WDR12: variants seen among roughly 807,000 people sequenced by gnomAD.
The protein encoded by WDR12 is ribosome biogenesis protein WDR12.
WDR12 carries 42 observed loss-of-function variants against 64.3 expected under a neutral mutation model. The observed-to-expected ratio is 0.65, with a 90% CI of 0.51 to 0.84. WDR12 has a LOEUF of 0.84. Ranked by LOEUF, WDR12 falls within the 40% of genes least tolerant of loss-of-function variation. WDR12 has a pLI of 0.00. For synonymous variants in WDR12, 158 were observed against 173.3 expected, an observed-to-expected ratio of 0.91 and a Z score of 0.70; for missense variants, 469 against 494.6, an observed-to-expected ratio of 0.95 and a Z score of 0.49.
chr2:202,881,784 T>G (rs1175927921), intron 12 of WDR12, among the ~76,000 whole-genome samples: 1 of 151,714 alleles, frequency 6.6e-6, no homozygotes, highest in African/African-American at 2.4e-5. Flanking sequence ...ACCCAGGAGT[T>G]CAAGGCTGCA....
At chr2:202,883,547 T>G in intron 11 of WDR12, 62 bp downstream of exon 11, 1 of 1,527,784 alleles carries the variant, frequency 6.5e-7, no homozygotes, top group Non-Finnish European at 8.9e-7. Context: ...ATTTCAGTAT[T>G]CATTTCCTTT....
At chr2:202,900,730 T>C (rs1237605533) in intron 3 of WDR12, among the ~76,000 whole-genome samples, 2 of 152,130 alleles carry the variant, frequency 1.3e-5, no homozygotes, top group Non-Finnish European at 2.9e-5. Flanking sequence ...TGCCAGTTCT[T>C]CCACAAATAT....
At chr2:202,886,497 G>GGT (rs1559159052) in intron 8 of WDR12, among the ~76,000 whole-genome samples, 2 of 151,118 alleles carry the variant, frequency 1.3e-5, no homozygotes, top group African/African-American at 4.9e-5. Flanking sequence ...AGCTGGGTGC[G>GGT]GTGGCTCACA....
In WDR12 at chr2:202,911,503, C is replaced by T; in HGVS notation, c.-27G>A. 1.2e-6 allele frequency: 2 copies of T among 1,612,038 alleles called. No homozygotes were observed. The highest frequency in any genetic ancestry group is 1.7e-6 in the Non-Finnish European group (2 of 1,178,144). On this transcript the variant is annotated 5_prime_UTR_variant, in exon 1 of 13. The change creates a new upstream start codon in the 5' untranslated region. Coordinates refer to ENST00000261015, the MANE Select transcript of WDR12 (RefSeq NM_018256.4). ...GCGAGGAGTACACACGACTTGCCCA[C>T]GGAAACGTACGGGTTAGCAGACCCA...
In WDR12 at chr2:202,874,626, C is replaced by T. The variant is rs1054343160; in HGVS notation, c.*6234G>A. ...ATTGAATCTGACATCACACAAAAAG[C>T]TCTATTTCTTCAAGGCATTCCAGTT... On this transcript the variant is annotated 3_prime_UTR_variant, in exon 13 of 13. Transcript: ENST00000261015. 6.6e-6 allele frequency among the ~76,000 whole-genome samples: 1 copy of T among 152,168 alleles called. No individual in the cohort carries two copies. Among genetic ancestry groups the T allele is most frequent in the Non-Finnish European group, 1.5e-5 (1 of 68,028 alleles).
chr2:202,900,781 CA>C (rs1357318703), intron 3 of WDR12, among the ~76,000 whole-genome samples: 1 of 151,732 alleles, frequency 6.6e-6, no homozygotes. Context: ...AACACTCTCA[CA>C]AAAAAAGAGG....
Position 202,878,970 on chromosome 2 carries a change from AATTT to A in WDR12, c.*1886_*1889del, listed in dbSNP as rs1021188030. On this transcript the variant is annotated 3_prime_UTR_variant, in exon 13 of 13. Transcript: ENST00000261015. Reference sequence around the variant, plus strand: ...TACTGATGAAAGGTTTTGTCTAAAAAATTTATTCTAATCTACACATGAGGAAAGA... The same window carrying A: ...TACTGATGAAAGGTTTTGTCTAAAAAATTCTAATCTACACATGAGGAAAGA... 3 of 152,086 alleles carry A rather than the reference AATTT, an allele frequency of 2.0e-5. No individual in the cohort carries two copies. The highest frequency in any genetic ancestry group is 7.2e-5 in the African/African-American group (3 of 41,384). 9.4% of individuals were successfully genotyped at this position (152,086 alleles called of 1,614,324 possible). A position where few individuals can be genotyped will look rare whatever the true frequency, so the allele number is the denominator to read the frequency against.
chr2:202,889,834 T>C (rs1220030377), intron 8 of WDR12, among the ~76,000 whole-genome samples: 1 of 151,664 alleles, frequency 6.6e-6, no homozygotes, highest in Non-Finnish European at 1.5e-5. Context: ...GAGGATTGTG[T>C]GAGCCCTGGA....
At chr2:202,892,063 T>C (rs1352576106) in intron 8 of WDR12, among the ~76,000 whole-genome samples, 1 of 152,258 alleles carries the variant, frequency 6.6e-6, no homozygotes, top group African/African-American at 2.4e-5. Context: ...GTGTATCTAA[T>C]CATGTAGTAC....
intron 2 of WDR12, among the ~76,000 whole-genome samples, chr2:202,906,699 C>T (rs1330888281): frequency 6.6e-6 from 1 of 152,122 alleles, no homozygotes; most frequent in Non-Finnish European, 1.5e-5. Context: ...CCCGTTTCTA[C>T]TAAAAGTACA....
intron 2 of WDR12, 99 bp downstream of exon 2, chr2:202,907,766 A>G (rs1255778634): frequency 1.1e-6 from 1 of 903,156 alleles, no homozygotes; most frequent in Non-Finnish European, 1.7e-6. Context: ...ACCACTACAA[A>G]ATTCATACAG....
intron 2 of WDR12, among the ~76,000 whole-genome samples, chr2:202,905,312 A>C (rs1688434434): frequency 1.3e-5 from 2 of 152,276 alleles, no homozygotes; most frequent in East Asian, 1.9e-4. Context: ...TGCCTGGCTA[A>C]TTTTTGTATT....
intron 2 of WDR12, among the ~76,000 whole-genome samples, chr2:202,904,505 T>C (rs865934739): frequency 2.6e-5 from 4 of 151,976 alleles, no homozygotes; most frequent in Non-Finnish European, 5.9e-5. Flanking sequence ...CATACACCAA[T>C]GGAACAGAAT....
Position 202,877,434 on chromosome 2 carries a change from G to C in WDR12, c.*3426C>G, listed in dbSNP as rs984771977. 6.6e-6 allele frequency: 1 copy of C among 152,086 alleles called. No homozygotes were observed. Among genetic ancestry groups the C allele is most frequent in the African/African-American group, 2.4e-5 (1 of 41,398 alleles). 9.4% of individuals were successfully genotyped at this position (152,086 alleles called of 1,614,324 possible). A position where few individuals can be genotyped will look rare whatever the true frequency, so the allele number is the denominator to read the frequency against. On this transcript the variant is annotated 3_prime_UTR_variant, in exon 13 of 13. Coordinates refer to ENST00000261015, the MANE Select transcript of WDR12 (RefSeq NM_018256.4). ...AGGTCCAGGTGGGCAGACAGCTTGA[G>C]CCCAGGAGTTCAAGACCAGCATGGG...
intron 10 of WDR12, 31 bp from the exon 11 acceptor site, chr2:202,883,772 T>C: frequency 6.3e-7 from 1 of 1,599,254 alleles, no homozygotes; most frequent in Non-Finnish European, 8.5e-7. Context: ...AAGCGTTGAA[T>C]TTTAGAAAAG....
intron 1 of WDR12, 52 bp downstream of exon 1, chr2:202,911,384 G>A: frequency 6.4e-7 from 1 of 1,574,180 alleles, no homozygotes; most frequent in South Asian, 1.1e-5. Context: ...TACCAAAGGG[G>A]TGGTCGGAAA....
At chr2:202,890,940 G>A (rs1002989060) in intron 8 of WDR12, among the ~76,000 whole-genome samples, 4 of 147,168 alleles carry the variant, frequency 2.7e-5, no homozygotes, top group African/African-American at 7.5e-5. Context: ...GTTATAGTGA[G>A]CTATGATTGT....
intron 1 of WDR12, among the ~76,000 whole-genome samples, 153 bp from the exon 2 acceptor site, chr2:202,908,112 C>G (rs534462539): frequency 2.2e-4 from 34 of 152,190 alleles, no homozygotes; most frequent in African/African-American, 7.7e-4. Context: ...AAAACATGGT[C>G]TCTGTTCTAA....
At position 202,902,816 on chromosome 2, in the gene WDR12, C is replaced by T. The variant is rs575912718; in HGVS notation, c.137-1697G>A. ...CAATACTCCTTAATAAACTCCCTCT[C>T]GGCTGTGCGCAGTGGCTCACACCTG... On this transcript the variant is annotated intron_variant, in intron 2 of 12. Transcript: ENST00000261015. Among the ~76,000 whole-genome samples, 9 of 152,242 alleles carry T rather than the reference C, an allele frequency of 5.9e-5. 1 individual carries two copies. Among genetic ancestry groups the T allele is most frequent in the Non-Finnish European group, 7.4e-5 (5 of 68,004 alleles).
Sources: gnomAD v4.1 joint callset for allele counts (sites outside exome capture counted in the v4.1 genomes callset) on GRCh38, gnomAD v4.1.1 for gene constraint, MANE v1.5 for transcripts, NCBI Gene and HGNC (gene_info 2026-07-23, HGNC 2026-07-21) for gene names.